MAPT: variants seen among roughly 807,000 people sequenced by gnomAD.
The protein encoded by MAPT is microtubule associated protein tau.
Under a neutral mutation model 67.9 loss-of-function variants are expected in MAPT, and 34 were observed. The observed-to-expected ratio is 0.50, with a 90% CI of 0.38 to 0.67. The LOEUF is 0.67. MAPT is among the 30% of genes least tolerant of loss of function. The pLI is 0.00. For synonymous variants in MAPT, 456 were observed against 464.5 expected, an observed-to-expected ratio of 0.98 and a Z score of 0.23; for missense variants, 881 against 1,115.2, an observed-to-expected ratio of 0.79 and a Z score of 2.99.
chr17:45,909,435 CAAT>C (rs901681006), intron 1 of MAPT, among the ~76,000 whole-genome samples: 1 of 152,142 alleles, frequency 6.6e-6, no homozygotes, highest in African/African-American at 2.4e-5. Flanking sequence ...AGGTCAGTCC[CAAT>C]AACAAATCGA....
At chr17:45,970,085 C>T (rs2071503546) in intron 2 of MAPT, among the ~76,000 whole-genome samples, 1 of 111,560 alleles carries the variant, frequency 9.0e-6, no homozygotes, top group Non-Finnish European at 2.4e-5. Context: ...TCTATCCACC[C>T]ATCCATCCAT....
At chr17:45,903,274 G>C (rs71375323) in intron 1 of MAPT, among the ~76,000 whole-genome samples, 1,670 of 152,196 alleles carry the variant, frequency 0.011, 31 homozygotes, top group African/African-American at 0.036. Context: ...GTCCTGGATC[G>C]GATCCAGTTC....
intron 1 of MAPT, among the ~76,000 whole-genome samples, chr17:45,899,247 A>G (rs2063470576): frequency 6.6e-6 from 1 of 152,194 alleles, no homozygotes; most frequent in African/African-American, 2.4e-5. Flanking sequence ...TTGTGGGTAG[A>G]GGCCAGGAAT....
chr17:45,999,184 C>A, intron 9 of MAPT: 2 of 1,493,786 alleles, frequency 1.3e-6, no homozygotes, highest in Non-Finnish European at 1.8e-6. Flanking sequence ...TTGCCATCTC[C>A]TCCAGGAAGT....
chr17:45,901,061 C>T (rs1181984398), intron 1 of MAPT, among the ~76,000 whole-genome samples: 2 of 152,138 alleles, frequency 1.3e-5, no homozygotes, highest in Non-Finnish European at 2.9e-5. Flanking sequence ...TAGGAAAAGT[C>T]GGCAACTACC....
At chr17:45,924,918 C>T (rs2144528862) in intron 1 of MAPT, among the ~76,000 whole-genome samples, 1 of 152,312 alleles carries the variant, frequency 6.6e-6, no homozygotes, top group Non-Finnish European at 1.5e-5. Flanking sequence ...CTGCTTGGAT[C>T]TTGGTGCTGA....
chr17:45,973,879 G>C (rs2072005325), intron 3 of MAPT: 1 of 167,550 alleles, frequency 6.0e-6, no homozygotes, highest in African/African-American at 2.4e-5. Flanking sequence ...GGATTTAGGG[G>C]TTAGAGCTGG....
intron 9 of MAPT, among the ~76,000 whole-genome samples, chr17:46,006,046 T>C (rs1012702041): frequency 2.6e-5 from 4 of 152,092 alleles, no homozygotes; most frequent in Non-Finnish European, 5.9e-5. Context: ...GATTTATCCA[T>C]CTCTAAAGGA....
chr17:45,981,356 C>A (rs886922895), intron 4 of MAPT, among the ~76,000 whole-genome samples: 1 of 152,184 alleles, frequency 6.6e-6, no homozygotes, highest in African/African-American at 2.4e-5. Context: ...GAGTGTAATT[C>A]TCCTGTTCTT....
chr17:45,924,041 A>C (rs984771830), intron 1 of MAPT, among the ~76,000 whole-genome samples: 4 of 152,208 alleles, frequency 2.6e-5, no homozygotes, highest in Admixed American at 2.0e-4. Flanking sequence ...CCTTAAATAC[A>C]TTCTTTGTTC....
rs192057255 is a variant in MAPT at position 45,941,680 on chromosome 17, C to T, written c.-17-20641C>T. Among the ~76,000 whole-genome samples the T allele has an allele frequency of 6.2e-3, 291 of 47,254 alleles. 14 individuals are homozygous for T. Among genetic ancestry groups the T allele is most frequent in the African/African-American group, 0.019 (220 of 11,336 alleles). The allele number at this position is 47,254 out of a possible 152,430, so 31.0% of individuals were successfully genotyped here. On this transcript the variant is annotated intron_variant, in intron 1 of 12. Transcript: ENST00000262410. ...CACCCTTCCCCCCTTCCCCCCTTCCCTCCTTCCTTCCTTCCTTCCTGCCTG... is the reference window on the plus strand; with the variant it reads ...CACCCTTCCCCCCTTCCCCCCTTCCTTCCTTCCTTCCTTCCTTCCTGCCTG...
chr17:46,005,087 A>G (rs190150760), intron 9 of MAPT, among the ~76,000 whole-genome samples: 3 of 152,292 alleles, frequency 2.0e-5, no homozygotes, highest in African/African-American at 7.2e-5. Flanking sequence ...CCCGGCCAGA[A>G]AAAAACATTT....
At chr17:45,966,679 A>G (rs2071118261) in intron 2 of MAPT, among the ~76,000 whole-genome samples, 1 of 152,226 alleles carries the variant, frequency 6.6e-6, no homozygotes, top group South Asian at 2.1e-4. Context: ...GTGTAAAGTG[A>G]GGACAAGTTC....
chr17:45,993,992 A>G lies in MAPT; in HGVS notation c.1732+2406A>G, dbSNP rs752919318. 5 of 1,559,652 alleles carry G rather than the reference A, an allele frequency of 3.2e-6. No individual in the cohort carries two copies. In the Admixed American group the frequency reaches 5.7e-5, roughly 18 times the overall value. The stretch of plus-strand genomic sequence containing the variant: ...ATCTGAGAGAGGTACTCGGGAGCCT[A>G]CTTCGCTGGGAGCAGCCTCCCTTTG... On this transcript the variant is annotated intron_variant, in intron 8 of 12. Coordinates refer to ENST00000262410, the MANE Select transcript of MAPT (RefSeq NM_001377265.1).
intron 4 of MAPT, 63 bp downstream of exon 4, chr17:45,978,503 C>T: frequency 7.8e-7 from 1 of 1,284,934 alleles, no homozygotes; most frequent in Admixed American, 1.7e-5. Context: ...GGGGTGGGCT[C>T]TGCCCTGAAA....
chr17:45,941,741 T>TCCTGCCTG lies in MAPT; in HGVS notation c.-17-20577_-17-20576insGCCTGCCT, dbSNP rs1437398512. On this transcript the variant is annotated intron_variant, in intron 1 of 12. Transcript: ENST00000262410. The stretch of plus-strand genomic sequence containing the variant: ...TTCCTTCCTTCCTTCCTTCCTTCCT[T>TCCTGCCTG]CCTTCCTTCCTTCCTGGTATGTGAC... Among the ~76,000 whole-genome samples, 183 of 129,634 alleles carry TCCTGCCTG rather than the reference T, an allele frequency of 1.4e-3. 8 individuals are homozygous for TCCTGCCTG. Among genetic ancestry groups the TCCTGCCTG allele is most frequent in the Non-Finnish European group, 2.3e-3 (138 of 59,080 alleles). 85.0% of individuals were successfully genotyped at this position (129,634 alleles called of 152,430 possible).
intron 1 of MAPT, among the ~76,000 whole-genome samples, chr17:45,951,241 T>G (rs1372388340): frequency 6.6e-6 from 1 of 152,214 alleles, no homozygotes; most frequent in Non-Finnish European, 1.5e-5. Flanking sequence ...GGTCCAGCCT[T>G]TCTTCTGGGT....
chr17:45,985,843 A>G, intron 5 of MAPT: 1 of 366,036 alleles, frequency 2.7e-6, no homozygotes, highest in African/African-American at 2.2e-5. Flanking sequence ...GGAGTCTTTT[A>G]GCAGGTGATT....
rs776028517 is a variant in MAPT, at chr17:45,987,044, C to A, written c.1356C>A (p.Arg452=). 1.9e-5 allele frequency: 30 copies of A among 1,613,772 alleles called. No individual in the cohort carries two copies. Among genetic ancestry groups the A allele is most frequent in the Non-Finnish European group, 2.4e-5 (28 of 1,179,780 alleles). ...PVSRVPQLKA[R]MVSKSKDGTG... Reference sequence around the variant, plus strand: ...TCTTATTTTATATTTTATCAGCTCGCATGGTCAGTAAAAGCAAAGACGGGA... The same window carrying A: ...TCTTATTTTATATTTTATCAGCTCGAATGGTCAGTAAAAGCAAAGACGGGA... The change falls in exon 6 of 13, where the codon CGC becomes CGA. Residue 452 remains arginine (R), a synonymous_variant. Coordinates refer to ENST00000262410, the MANE Select transcript of MAPT (RefSeq NM_001377265.1).
Sources: gnomAD v4.1 joint callset for allele counts (sites outside exome capture counted in the v4.1 genomes callset) on GRCh38, gnomAD v4.1.1 for gene constraint, MANE v1.5 for transcripts, NCBI Gene and HGNC (gene_info 2026-07-23, HGNC 2026-07-21) for gene names.